The following ERGIC3 variants were observed in gnomAD, a reference collection of about 807,000 sequenced individuals.
ERGIC3 encodes ERGIC and golgi 3, also known as endoplasmic reticulum-Golgi intermediate compartment protein 3.
A neutral mutation model predicts 54.7 loss-of-function variants in ERGIC3; 33 were observed. That is an observed-to-expected ratio of 0.60 (90% CI 0.46 to 0.81). The LOEUF (loss-of-function observed/expected upper bound fraction) is 0.81, where lower values mean the gene tolerates loss of function less well. ERGIC3 is among the 30% of genes least tolerant of loss of function. ERGIC3 has a pLI of 0.00. For synonymous variants in ERGIC3, 186 were observed against 189.8 expected, an observed-to-expected ratio of 0.98 and a Z score of 0.16; for missense variants, 399 against 488.4, an observed-to-expected ratio of 0.82 and a Z score of 1.73.
intron 4 of ERGIC3, 41 bp downstream of exon 4, chr20:35,542,982 G>C: frequency 6.2e-7 from 1 of 1,612,292 alleles, no homozygotes; most frequent in Non-Finnish European, 8.5e-7. Flanking sequence ...CCCAAAGCTG[G>C]ATGTACCCAA....
intron 7 of ERGIC3, among the ~76,000 whole-genome samples, chr20:35,553,395 G>T (rs1048979936): frequency 2.0e-5 from 3 of 151,956 alleles, no homozygotes; most frequent in African/African-American, 4.8e-5. Context: ...GAAGATAGTC[G>T]CACGTTGAGG....
chr20:35,556,303 T>G lies in ERGIC3; in HGVS notation c.879+32T>G, dbSNP rs1293237780. The stretch of plus-strand genomic sequence containing the variant: ...CAGGGAGCTCCCTACCAGAGTCTCC[T>G]GCGCGGTGCCAAGCACTGGAGTTCC... On this transcript the variant is annotated intron_variant, in intron 10 of 12. Coordinates refer to ENST00000348547, the MANE Select transcript of ERGIC3 (RefSeq NM_015966.3). 1.9e-6 allele frequency: 3 copies of G among 1,611,110 alleles called. No homozygotes were observed. The African/African-American group carries it at 4.0e-5, about 22-fold the overall frequency.
chr20:35,555,300 A>G (rs2064704972), intron 8 of ERGIC3, among the ~76,000 whole-genome samples: 1 of 152,176 alleles, frequency 6.6e-6, no homozygotes, highest in African/African-American at 2.4e-5. Context: ...CTAGACAGAC[A>G]GAGCCTCAGC....
chr20:35,555,211 C>CGAA, intron 8 of ERGIC3, 136 bp downstream of exon 8: 1 of 1,067,424 alleles, frequency 9.4e-7, no homozygotes, highest in Admixed American at 1.8e-5. Flanking sequence ...GGGGATCCAG[C>CGAA]CTGAGGGTTA....
At chr20:35,549,882 C>T (rs1256353169) in intron 7 of ERGIC3, 3 of 152,254 alleles carry the variant, frequency 2.0e-5, no homozygotes, top group African/African-American at 7.2e-5. Flanking sequence ...AGTGATCTGC[C>T]CGCCTCGGCC....
At position 35,552,843 on chromosome 20, in the gene ERGIC3, A is replaced by G. The variant is rs1351991217; in HGVS notation, c.686-2201A>G. Among the ~76,000 whole-genome samples, 3 of 152,138 alleles carry G rather than the reference A, an allele frequency of 2.0e-5. No individual in the cohort carries two copies. In the East Asian group the frequency reaches 5.8e-4, roughly 29 times the overall value. On this transcript the variant is annotated intron_variant, in intron 7 of 12. Coordinates refer to ENST00000348547, the MANE Select transcript of ERGIC3 (RefSeq NM_015966.3). ...GGGAGGCCCGGGTACTGGAAGGATC[A>G]TCTACGTGGATATGGAAATCACTAG...
At chr20:35,545,635 T>A (rs1456618075) in intron 4 of ERGIC3, among the ~76,000 whole-genome samples, 2 of 152,182 alleles carry the variant, frequency 1.3e-5, no homozygotes, top group Non-Finnish European at 2.9e-5. Flanking sequence ...CACCATCATT[T>A]CTGCAATATA....
intron 7 of ERGIC3, chr20:35,554,320 C>T: frequency 1.2e-6 from 2 of 1,612,090 alleles, no homozygotes; most frequent in Admixed American, 3.3e-5. Flanking sequence ...TCATAGTTCT[C>T]ATTGTGAAGC....
chr20:35,544,467 G>T, intron 4 of ERGIC3: 2 of 309,188 alleles, frequency 6.5e-6, no homozygotes, highest in East Asian at 1.1e-4. Flanking sequence ...CATGATGGCT[G>T]GGACATTGCT....
At chr20:35,545,664 A>G (rs910476512) in intron 4 of ERGIC3, among the ~76,000 whole-genome samples, 4 of 152,224 alleles carry the variant, frequency 2.6e-5, no homozygotes, top group African/African-American at 9.6e-5. Flanking sequence ...TACACAGGTC[A>G]GCCTTACTCA....
chr20:35,554,027 A>G (rs2064697901), intron 7 of ERGIC3, among the ~76,000 whole-genome samples: 1 of 152,196 alleles, frequency 6.6e-6, no homozygotes, highest in Admixed American at 6.5e-5. Flanking sequence ...TAAAGTTTAC[A>G]AGTATTTTTC....
chr20:35,547,554 C>A, intron 5 of ERGIC3, 49 bp downstream of exon 5: 1 of 1,541,934 alleles, frequency 6.5e-7, no homozygotes, highest in South Asian at 1.1e-5. Context: ...CGCCATCTGT[C>A]AGTCAGCCTC....
intron 3 of ERGIC3, 52 bp downstream of exon 3, chr20:35,542,652 G>A (rs750660685): frequency 1.9e-6 from 3 of 1,607,286 alleles, no homozygotes; most frequent in Non-Finnish European, 1.7e-6. Context: ...TCTCATGTGG[G>A]CTGCCAGATT....
chr20:35,556,294 A>G (rs1568873414), intron 10 of ERGIC3, 23 bp downstream of exon 10: 5 of 1,613,426 alleles, frequency 3.1e-6, no homozygotes, highest in Middle Eastern at 3.3e-4. Flanking sequence ...GCTCCCTACC[A>G]GAGTCTCCTG....
Position 35,557,279 on chromosome 20 carries a change from G to A in ERGIC3, c.1072+30G>A, listed in dbSNP as rs763670170. On this transcript the variant is annotated intron_variant, in intron 12 of 12. Transcript: ENST00000348547. ...GAGGCCCAGGGCGTCTGTGAGCTGT[G>A]GGGTGGGGAGGGTAAAGCCTGGGTG... 5 of 1,613,978 alleles carry A rather than the reference G, an allele frequency of 3.1e-6. No homozygotes were observed. The Admixed American group carries it at 8.3e-5, about 27-fold the overall frequency.
intron 4 of ERGIC3, 64 bp downstream of exon 4, chr20:35,543,005 G>T (rs755999583): frequency 1.2e-6 from 2 of 1,607,948 alleles, no homozygotes; most frequent in Non-Finnish European, 1.7e-6. Flanking sequence ...CTATCTGCTA[G>T]CAAGTGAACT....
intron 7 of ERGIC3, among the ~76,000 whole-genome samples, chr20:35,553,078 C>T (rs1224512353): frequency 1.8e-5 from 2 of 110,320 alleles, no homozygotes; most frequent in Admixed American, 2.8e-4. Flanking sequence ...ACAATCTTGG[C>T]TCACTGCAGC....
At chr20:35,553,019 G>GGTTTTTTTTTTTTTT (rs2064689546) in intron 7 of ERGIC3, among the ~76,000 whole-genome samples, 12 of 12,628 alleles carry the variant, frequency 9.5e-4, no homozygotes, top group South Asian at 2.3e-3. Context: ...CAAAGCTGGG[G>GGTTTTTTTTTTTTTT]ATTTTTTTTT....
chr20:35,551,804 G>A (rs1418123543), intron 7 of ERGIC3, among the ~76,000 whole-genome samples: 1 of 152,204 alleles, frequency 6.6e-6, no homozygotes, highest in Admixed American at 6.5e-5. Flanking sequence ...AGCCTTGACT[G>A]AGTCATTTAA....
Sources: allele counts gnomAD v4.1 joint callset (sites outside exome capture counted in the v4.1 genomes callset), GRCh38; gene constraint gnomAD v4.1.1; transcripts MANE v1.5; gene names NCBI Gene and HGNC (gene_info 2026-07-23, HGNC 2026-07-21).